The following STK3 variants were observed in gnomAD, a reference collection of about 807,000 sequenced individuals.
STK3 encodes serine/threonine-protein kinase 3.
A neutral mutation model predicts 58.0 loss-of-function variants in STK3; 41 were observed. The observed-to-expected ratio is 0.71, with a 90% CI of 0.55 to 0.92. STK3 has a LOEUF of 0.92. Ranked by LOEUF, STK3 falls within the 40% of genes least tolerant of loss-of-function variation. The probability of loss-of-function intolerance (pLI) is 0.00; values close to 1 mark genes in which losing one functional copy is unlikely to be tolerated. For synonymous variants in STK3, 170 were observed against 191.0 expected (o/e 0.89, Z 0.91); for missense variants, 479 against 602.7 (o/e 0.79, Z 2.15).
intron 6 of STK3, among the ~76,000 whole-genome samples, chr8:98,624,133 C>T (rs185063264): frequency 5.9e-5 from 9 of 152,148 alleles, no homozygotes; most frequent in Non-Finnish European, 1.2e-4. Context: ...AGGTGGTAGG[C>T]GTAGGGGAAC....
chr8:98,825,149 GAGGGGGA>G (rs1298767364), intron 1 of STK3, among the ~76,000 whole-genome samples: 1 of 152,190 alleles, frequency 6.6e-6, no homozygotes, highest in South Asian at 2.1e-4. Flanking sequence ...TTTTGAACTT[GAGGGGGA>G]AGGGGGAAGA....
intron 10 of STK3, among the ~76,000 whole-genome samples, chr8:98,519,791 A>C (rs1825215979): frequency 6.6e-6 from 1 of 152,156 alleles, no homozygotes; most frequent in South Asian, 2.1e-4. Context: ...TTAGCTCAAA[A>C]GAACACCACC....
chr8:98,704,489 G>C (rs1317803376), intron 6 of STK3, among the ~76,000 whole-genome samples: 1 of 151,570 alleles, frequency 6.6e-6, no homozygotes, highest in Non-Finnish European at 1.5e-5. Context: ...AATTTACTTG[G>C]GCGATAGCTG....
chr8:98,474,904 C>A (rs928287997), intron 10 of STK3, among the ~76,000 whole-genome samples: 15 of 152,068 alleles, frequency 9.9e-5, no homozygotes, highest in Admixed American at 4.6e-4. Context: ...CTTTAGATCC[C>A]CAAATTTAGC....
chr8:98,361,741 A>G, the STK3 span, among the ~76,000 whole-genome samples: 1 of 152,104 alleles, frequency 6.6e-6, no homozygotes, highest in African/African-American at 2.4e-5. Context: ...GGATGTTTTC[A>G]CCCCAGGCAC....
chr8:98,673,627 G>A (rs562821919), intron 6 of STK3, among the ~76,000 whole-genome samples: 1 of 152,174 alleles, frequency 6.6e-6, no homozygotes, highest in East Asian at 1.9e-4. Context: ...GGATGGTGGA[G>A]AATGGGGATA....
At chr8:98,758,388 C>T (rs2131396579) in intron 3 of STK3, among the ~76,000 whole-genome samples, 1 of 152,194 alleles carries the variant, frequency 6.6e-6, no homozygotes, top group South Asian at 2.1e-4. Context: ...GACATAAATG[C>T]AAAAATTCTC....
At chr8:98,506,869 T>C (rs1417784381) in intron 10 of STK3, among the ~76,000 whole-genome samples, 1 of 152,144 alleles carries the variant, frequency 6.6e-6, no homozygotes, top group Non-Finnish European at 1.5e-5. Flanking sequence ...AGTTCAAATT[T>C]CCCCAGAGAA....
At chr8:98,877,848 C>T (rs1402130370) in intron 3 of STK3, among the ~76,000 whole-genome samples, 7 of 152,012 alleles carry the variant, frequency 4.6e-5, no homozygotes, top group Non-Finnish European at 1.5e-5. Flanking sequence ...TTATGTAGTA[C>T]TTTAAAAATG....
chr8:98,908,721 T>TA (rs1839012141), intron 1 of STK3, among the ~76,000 whole-genome samples: 1 of 150,246 alleles, frequency 6.7e-6, no homozygotes, highest in Non-Finnish European at 1.5e-5. Flanking sequence ...CAGGCACCTG[T>TA]AATCCCAGCT....
Position 98,639,604 on chromosome 8 carries a change from A to G in STK3, c.685-43435T>C, listed in dbSNP as rs138488265. ...ACTTTCAATAAGCTTCATGACTATT[A>G]ATGCTTTGGGGAAAACTTACTTTTT... On this transcript the variant is annotated intron_variant, in intron 6 of 10. Coordinates refer to ENST00000419617, the MANE Select transcript of STK3 (RefSeq NM_006281.4). 2.1e-4 allele frequency among the ~76,000 whole-genome samples: 32 copies of G among 152,334 alleles called. 1 individual carries two copies. Among genetic ancestry groups the G allele is most frequent in the African/African-American group, 7.5e-4 (31 of 41,572 alleles).
intron 3 of STK3, chr8:98,430,789 T>A (rs1818315341): frequency 6.0e-6 from 1 of 167,116 alleles, no homozygotes. Flanking sequence ...AAACTGCTAG[T>A]TCATAAAATG....
At chr8:98,670,972 A>C (rs1045655871) in intron 6 of STK3, among the ~76,000 whole-genome samples, 1 of 152,164 alleles carries the variant, frequency 6.6e-6, no homozygotes, top group African/African-American at 2.4e-5. Flanking sequence ...ACTGGAGTGC[A>C]AGCCAGATGC....
At chr8:98,532,692 G>A (rs1156793049) in intron 9 of STK3, among the ~76,000 whole-genome samples, 2 of 152,160 alleles carry the variant, frequency 1.3e-5, no homozygotes, top group Non-Finnish European at 2.9e-5. Flanking sequence ...AAATGGTTAA[G>A]ATGGTGAATT....
Position 98,513,305 on chromosome 8 carries a change from G to A in STK3, c.1317+13437C>T, listed in dbSNP as rs146452887. On this transcript the variant is annotated intron_variant, in intron 10 of 10. Transcript: ENST00000419617. ...CACCCAGCCTACATAAGAGGGCAAG[G>A]GTACATCAGGAGCACTGGGGTGCAG... 1.7e-3 allele frequency among the ~76,000 whole-genome samples: 265 copies of A among 152,158 alleles called. 3 individuals carry two copies. Among genetic ancestry groups the A allele is most frequent in the Non-Finnish European group, 3.0e-3 (201 of 67,992 alleles).
At chr8:98,624,485 T>G (rs1307878917) in intron 6 of STK3, among the ~76,000 whole-genome samples, 1 of 152,172 alleles carries the variant, frequency 6.6e-6, no homozygotes, top group Non-Finnish European at 1.5e-5. Context: ...TACTTATTAC[T>G]ATGGGATTAG....
chr8:98,824,107 T>C (rs1835090719), intron 1 of STK3, among the ~76,000 whole-genome samples: 1 of 152,224 alleles, frequency 6.6e-6, no homozygotes, highest in African/African-American at 2.4e-5. Flanking sequence ...TGTTGAGACA[T>C]TCAAATATCA....
intron 6 of STK3, among the ~76,000 whole-genome samples, chr8:98,652,242 G>A (rs1587165403): frequency 6.6e-6 from 1 of 152,272 alleles, no homozygotes; most frequent in Non-Finnish European, 1.5e-5. Context: ...AGCTTCATAA[G>A]TGAAGGAGAA....
At chr8:98,402,795 G>C (rs1209809529) in intron 3 of STK3, among the ~76,000 whole-genome samples, 1 of 152,164 alleles carries the variant, frequency 6.6e-6, no homozygotes, top group Non-Finnish European at 1.5e-5. Flanking sequence ...CCCTGGGGAG[G>C]AGCCTGCAGT....
Sources: allele counts gnomAD v4.1 joint callset (sites outside exome capture counted in the v4.1 genomes callset), GRCh38; gene constraint gnomAD v4.1.1; transcripts MANE v1.5; gene names NCBI Gene and HGNC (gene_info 2026-07-23, HGNC 2026-07-21).